The following KCNJ6 variants were observed in gnomAD, a reference collection of about 807,000 sequenced individuals.
KCNJ6 encodes the protein potassium inwardly rectifying channel subfamily J member 6.
A neutral mutation model predicts 34.2 loss-of-function variants in KCNJ6; 9 were observed. The observed-to-expected ratio is 0.26, with a 90% CI of 0.16 to 0.46. The LOEUF (loss-of-function observed/expected upper bound fraction) is 0.46, where lower values mean the gene tolerates loss of function less well. Ranked by LOEUF, KCNJ6 falls within the 20% of genes least tolerant of loss-of-function variation. The pLI is 1.00. For synonymous variants in KCNJ6, 196 were observed against 207.1 expected (o/e 0.95, Z 0.46); for missense variants, 236 against 531.3 (o/e 0.44, Z 5.46).
chr21:37,828,539 T>G (rs950505102), intron 2 of KCNJ6, among the ~76,000 whole-genome samples: 5 of 152,176 alleles, frequency 3.3e-5, no homozygotes, highest in Admixed American at 6.5e-5. Context: ...GAGATCAGTT[T>G]CCTTTCGGTG....
intron 1 of KCNJ6, among the ~76,000 whole-genome samples, chr21:37,872,094 T>G (rs1347937730): frequency 6.6e-6 from 1 of 151,970 alleles, no homozygotes; most frequent in Non-Finnish European, 1.5e-5. Context: ...AGTGAAGAGG[T>G]ATGGGGCACG....
chr21:37,680,785 C>A (rs1030216386), intron 3 of KCNJ6, among the ~76,000 whole-genome samples: 1 of 152,138 alleles, frequency 6.6e-6, no homozygotes, highest in East Asian at 1.9e-4. Flanking sequence ...CTGTGTGAGC[C>A]AATGCTTGTA....
At chr21:37,854,427 A>C (rs986001791) in intron 1 of KCNJ6, among the ~76,000 whole-genome samples, 2 of 152,216 alleles carry the variant, frequency 1.3e-5, no homozygotes, top group Non-Finnish European at 2.9e-5. Context: ...GTCCTCACTC[A>C]TACTTGAGAG....
intron 3 of KCNJ6, among the ~76,000 whole-genome samples, chr21:37,657,956 C>T (rs1446273161): frequency 3.3e-5 from 5 of 152,196 alleles, no homozygotes; most frequent in Non-Finnish European, 5.9e-5. Context: ...TCTTTGGCCA[C>T]CCAGGTTTTC....
chr21:37,720,424 A>G (rs1014516526), intron 2 of KCNJ6, among the ~76,000 whole-genome samples: 2 of 152,126 alleles, frequency 1.3e-5, no homozygotes, highest in South Asian at 2.1e-4. Flanking sequence ...GAATGTATGC[A>G]AGTTTGAGGC....
intron 1 of KCNJ6, among the ~76,000 whole-genome samples, chr21:37,913,331 G>C (rs2055875900): frequency 6.6e-6 from 1 of 152,180 alleles, no homozygotes; most frequent in Non-Finnish European, 1.5e-5. Flanking sequence ...ACTCCTCTCG[G>C]TTTCCTACGA....
chr21:37,860,251 T>A (rs1022489679), intron 1 of KCNJ6, among the ~76,000 whole-genome samples: 4 of 152,230 alleles, frequency 2.6e-5, no homozygotes, highest in African/African-American at 7.2e-5. Flanking sequence ...AATTACCTTA[T>A]CGGTGATAAT....
chr21:37,819,330 A>G (rs1187235784), intron 2 of KCNJ6, among the ~76,000 whole-genome samples: 1 of 152,168 alleles, frequency 6.6e-6, no homozygotes, highest in Non-Finnish European at 1.5e-5. Flanking sequence ...TCAGAGTGTC[A>G]GTGCCTGAAA....
In KCNJ6 at chr21:37,625,391, T is replaced by C. The variant is rs2054306439; in HGVS notation, c.1040A>G (p.Tyr347Cys). 1 of 1,613,984 alleles carries C rather than the reference T, an allele frequency of 6.2e-7. No homozygotes were observed. Among genetic ancestry groups the C allele is most frequent in the Non-Finnish European group, 8.5e-7 (1 of 1,179,946 alleles). Residue 347 changes from tyrosine to cysteine, a missense_variant, in exon 4 of 4, where the codon TAC becomes TGC. Physicochemically the swap from Tyr to Cys is radical, Grantham distance 194. Transcript: ENST00000609713. Reference protein sequence around the residue: ...TPVLTLEDGFYEVDYNSFHET... With the variant: ...TPVLTLEDGFCEVDYNSFHET... ...ATGGAAGCTGTTGTAGTCAACTTCGTAGAACCCGTCCTCCAGGGTCAGGAC... is the reference window on the plus strand; with the variant it reads ...ATGGAAGCTGTTGTAGTCAACTTCGCAGAACCCGTCCTCCAGGGTCAGGAC...
At chr21:37,839,678 T>C (rs890678334) in intron 2 of KCNJ6, among the ~76,000 whole-genome samples, 1 of 152,214 alleles carries the variant, frequency 6.6e-6, no homozygotes, top group African/African-American at 2.4e-5. Flanking sequence ...TTTCCATTTT[T>C]CAAAGGAAAA....
intron 2 of KCNJ6, among the ~76,000 whole-genome samples, chr21:37,797,140 C>T (rs1316832122): frequency 6.6e-6 from 1 of 151,880 alleles, no homozygotes; most frequent in Non-Finnish European, 1.5e-5. Flanking sequence ...CAGCTCAATG[C>T]CACCTCTCTG....
chr21:37,683,053 T>A (rs2054597366), intron 3 of KCNJ6, among the ~76,000 whole-genome samples: 2 of 152,250 alleles, frequency 1.3e-5, no homozygotes, highest in Admixed American at 1.3e-4. Context: ...CTTGCTTCCA[T>A]ACTGTTTCTC....
intron 2 of KCNJ6, among the ~76,000 whole-genome samples, chr21:37,820,055 T>A (rs1048984296): frequency 1.3e-5 from 2 of 152,156 alleles, no homozygotes; most frequent in Non-Finnish European, 2.9e-5. Context: ...CCCAAAGTGC[T>A]GGGATTACAG....
intron 2 of KCNJ6, among the ~76,000 whole-genome samples, chr21:37,832,460 T>C (rs942386490): frequency 1.3e-5 from 2 of 152,162 alleles, no homozygotes; most frequent in African/African-American, 4.8e-5. Context: ...ATCTACAGGA[T>C]TCTCCCATTG....
chr21:37,796,559 C>T (rs371009597), intron 2 of KCNJ6, among the ~76,000 whole-genome samples: 16 of 152,200 alleles, frequency 1.1e-4, no homozygotes, highest in African/African-American at 3.6e-4. Flanking sequence ...TTGGATGAGA[C>T]TTTTCTGAGG....
At chr21:37,662,245 T>C (rs1352756153) in intron 3 of KCNJ6, among the ~76,000 whole-genome samples, 1 of 152,178 alleles carries the variant, frequency 6.6e-6, no homozygotes, top group African/African-American at 2.4e-5. Flanking sequence ...TTCTTGATGC[T>C]CTCCCTCCCC....
intron 3 of KCNJ6, among the ~76,000 whole-genome samples, chr21:37,641,651 T>C (rs1203195663): frequency 6.6e-6 from 1 of 151,830 alleles, no homozygotes; most frequent in African/African-American, 2.4e-5. Context: ...AGAGCTGTTG[T>C]AGGAAGGCTC....
In KCNJ6 at chr21:37,675,537, CT is replaced by C. The variant is rs2054561092; in HGVS notation, c.946+38673del. The stretch of plus-strand genomic sequence containing the variant: ...CTCTGCCCCTCGGTCCCCAGCACCC[CT>C]GGGAGGAGCTGCTGCGATGACACCC... On this transcript the variant is annotated intron_variant, in intron 3 of 3. Coordinates refer to ENST00000609713, the MANE Select transcript of KCNJ6 (RefSeq NM_002240.5). This position sits in a 1 kb window ranked among gnomAD's most constrained non-coding sequence, Gnocchi z 4.2. 6.6e-6 allele frequency among the ~76,000 whole-genome samples: 1 copy of C among 152,250 alleles called. No homozygotes were observed. Among genetic ancestry groups the C allele is most frequent in the African/African-American group, 2.4e-5 (1 of 41,466 alleles).
intron 2 of KCNJ6, among the ~76,000 whole-genome samples, chr21:37,765,454 C>A (rs2055086270): frequency 6.6e-6 from 1 of 152,144 alleles, no homozygotes; most frequent in African/African-American, 2.4e-5. Context: ...TAGGGGTGCT[C>A]CTGGCATCTA....
Sources: gnomAD v4.1 joint callset for allele counts (sites outside exome capture counted in the v4.1 genomes callset) on GRCh38, gnomAD v4.1.1 for gene constraint, Gnocchi (gnomAD v3.1) non-coding constraint, MANE v1.5 for transcripts, NCBI Gene and HGNC (gene_info 2026-07-23, HGNC 2026-07-21) for gene names.